The following AP4S1 variants were observed in gnomAD, a reference collection of about 807,000 sequenced individuals.
AP4S1 encodes adaptor related protein complex 4 subunit sigma 1, also known as AP-4 complex subunit sigma-1.
A neutral mutation model predicts 19.8 loss-of-function variants in AP4S1; 23 were observed. That is an observed-to-expected ratio of 1.16 (90% CI 0.84 to 1.65). The LOEUF is 1.65. Ranked by LOEUF, AP4S1 falls within the 40% of genes most tolerant of loss-of-function variation. The pLI, the probability that AP4S1 is intolerant of heterozygous loss-of-function variation, is 0.00. For missense variants in AP4S1, 166 were observed against 172.8 expected (o/e 0.96, Z 0.22); for synonymous variants, 46 against 54.1 (o/e 0.85, Z 0.66).
chr14:31,042,326 T>C (rs1173765823), intron 1 of AP4S1, among the ~76,000 whole-genome samples: 1 of 152,198 alleles, frequency 6.6e-6, no homozygotes, highest in East Asian at 1.9e-4. Context: ...TGATCCAAGT[T>C]ACTTTTAACT....
chr14:31,089,961 T>A (rs1888032370), intron 5 of AP4S1, among the ~76,000 whole-genome samples: 1 of 152,190 alleles, frequency 6.6e-6, no homozygotes, highest in African/African-American at 2.4e-5. Context: ...AACATTTCAA[T>A]CACTGTATTT....
At chr14:31,084,740 A>G (rs1281854415) in intron 5 of AP4S1, 1 of 1,613,894 alleles carries the variant, frequency 6.2e-7, no homozygotes, top group Admixed American at 1.7e-5. Flanking sequence ...TAAGACTTCA[A>G]ATTTTATGAA....
chr14:31,080,053 A>G (rs1384899664), intron 4 of AP4S1, among the ~76,000 whole-genome samples: 6 of 152,278 alleles, frequency 3.9e-5, no homozygotes, highest in Admixed American at 3.9e-4. Context: ...GTGAGTACTT[A>G]TATGTCTACA....
At chr14:31,053,851 T>C (rs780849442) in intron 1 of AP4S1, among the ~76,000 whole-genome samples, 7 of 152,116 alleles carry the variant, frequency 4.6e-5, no homozygotes, top group Non-Finnish European at 1.0e-4. Flanking sequence ...ATCACATTTA[T>C]GTTTAAAAAA....
At chr14:31,058,574 T>C (rs1886261342) in intron 1 of AP4S1, among the ~76,000 whole-genome samples, 1 of 131,330 alleles carries the variant, frequency 7.6e-6, no homozygotes, top group Non-Finnish European at 1.7e-5. Flanking sequence ...TGTGTGTGTG[T>C]GTTTAGAGAT....
rs550933668 is a variant in AP4S1 at position 31,045,574 on chromosome 14, A to G, written c.-72+19787A>G. Among the ~76,000 whole-genome samples, 43 of 152,270 alleles carry G rather than the reference A, an allele frequency of 2.8e-4. 1 individual carries two copies. The South Asian group carries it at 6.2e-3, about 22-fold the overall frequency. On this transcript the variant is annotated intron_variant, in intron 1 of 5. Coordinates refer to ENST00000542754, the MANE Select transcript of AP4S1 (RefSeq NM_001128126.3). ...GTAAGTTTGCGAGGCCTCCCCAGCCATGCTGAACTGTGAATCAATTAAACT... is the reference window on the plus strand; with the variant it reads ...GTAAGTTTGCGAGGCCTCCCCAGCCGTGCTGAACTGTGAATCAATTAAACT...
At chr14:31,054,832 C>T (rs1886007387) in intron 1 of AP4S1, among the ~76,000 whole-genome samples, 1 of 124,700 alleles carries the variant, frequency 8.0e-6, no homozygotes, top group Admixed American at 1.1e-4. Flanking sequence ...TGCACCACTA[C>T]ACTGTAGCCT....
intron 4 of AP4S1, 36 bp downstream of exon 4, chr14:31,073,009 A>G (rs1222792737): frequency 3.3e-6 from 5 of 1,538,390 alleles, no homozygotes; most frequent in Admixed American, 1.7e-5. Flanking sequence ...TTACTTCCTC[A>G]ACCCAGTTTC....
At chr14:31,026,194 G>T in intron 1 of AP4S1, 1 of 1,425,122 alleles carries the variant, frequency 7.0e-7, no homozygotes, top group Non-Finnish European at 9.1e-7. Flanking sequence ...ATTGTGTGTG[G>T]GGCCCCGGCC....
At chr14:31,088,807 CA>C (rs1283476951) in intron 5 of AP4S1, among the ~76,000 whole-genome samples, 2,221 of 35,278 alleles carry the variant, frequency 0.063, 35 homozygotes, top group African/African-American at 0.18. Flanking sequence ...GACTCCATCT[CA>C]AAAAAAAAAA....
At chr14:31,036,507 AAT>A (rs1884784096) in intron 1 of AP4S1, among the ~76,000 whole-genome samples, 1 of 152,216 alleles carries the variant, frequency 6.6e-6, no homozygotes, top group African/African-American at 2.4e-5. Flanking sequence ...GAATTTTAGT[AAT>A]GTTACTAAAT....
chr14:31,086,168 C>T (rs1887911616), intron 5 of AP4S1: 1 of 152,190 alleles, frequency 6.6e-6, no homozygotes, highest in Non-Finnish European at 1.5e-5. Context: ...GAGATAATGT[C>T]AGCCTGATTT....
At chr14:31,059,943 ATATT>A (rs909451929) in intron 1 of AP4S1, among the ~76,000 whole-genome samples, 6 of 146,708 alleles carry the variant, frequency 4.1e-5, no homozygotes, top group African/African-American at 9.9e-5. Context: ...ATATATATAT[ATATT>A]TATTTATTTA....
chr14:31,073,418 A>G (rs1321577635), intron 4 of AP4S1, among the ~76,000 whole-genome samples: 2 of 135,646 alleles, frequency 1.5e-5, no homozygotes, highest in African/African-American at 2.6e-5. Context: ...TGAACCCGGG[A>G]GGCGGAGCTT....
chr14:31,034,916 C>T (rs557803526), intron 1 of AP4S1, among the ~76,000 whole-genome samples: 80 of 152,098 alleles, frequency 5.3e-4, no homozygotes, highest in Middle Eastern at 3.4e-3. Flanking sequence ...CATGAGCCAC[C>T]GTGGCCAGCC....
chr14:31,050,109 A>G (rs1307198363), intron 1 of AP4S1, among the ~76,000 whole-genome samples: 3 of 152,112 alleles, frequency 2.0e-5, no homozygotes, highest in Admixed American at 6.6e-5. Context: ...TTTAGTAGAG[A>G]CAAGGTTTCA....
At chr14:31,065,273 C>T (rs893199658) in intron 1 of AP4S1, among the ~76,000 whole-genome samples, 26 of 152,218 alleles carry the variant, frequency 1.7e-4, no homozygotes, top group African/African-American at 6.3e-4. Context: ...CCTGTTTTCT[C>T]TGCCTCAGTC....
At chr14:31,087,451 C>T (rs907141472) in intron 5 of AP4S1, among the ~76,000 whole-genome samples, 2 of 152,116 alleles carry the variant, frequency 1.3e-5, no homozygotes, top group East Asian at 1.9e-4. Flanking sequence ...CTGTCTCCCA[C>T]GTTCAGGTTA....
At position 31,073,185 on chromosome 14, in the gene AP4S1, G is replaced by GA. The variant is rs140738043; in HGVS notation, c.294+227dup. The GA allele has an allele frequency of 0.25, 98,636 of 396,050 alleles. 1,688 individuals carry two copies. The highest frequency in any genetic ancestry group is 0.35 in the South Asian group (13,588 of 38,780). The allele number at this position is 396,050 out of a possible 1,614,324, so 24.5% of individuals were successfully genotyped here. On this transcript the variant is annotated intron_variant, in intron 4 of 5. Transcript: ENST00000542754. The stretch of plus-strand genomic sequence containing the variant: ...TGCCTGAGATCTTTATAAAGAACTG[G>GA]AAAAAAAAAAAAAAACCTCTTATAG...
Sources: gnomAD v4.1 joint callset for allele counts (sites outside exome capture counted in the v4.1 genomes callset) on GRCh38, gnomAD v4.1.1 for gene constraint, MANE v1.5 for transcripts, NCBI Gene and HGNC (gene_info 2026-07-23, HGNC 2026-07-21) for gene names.